BRINP3: variants seen among roughly 807,000 people sequenced by gnomAD.
BRINP3 encodes BMP/retinoic acid inducible neural specific 3, also known as BMP/retinoic acid-inducible neural-specific protein 3.
In BRINP3, 19 loss-of-function variants were observed where a neutral mutation model predicts 71.0. That is an observed-to-expected ratio of 0.27 (90% CI 0.19 to 0.39). BRINP3 has a LOEUF of 0.39. BRINP3 is among the 10% of genes least tolerant of loss of function. The probability of loss-of-function intolerance (pLI) is 1.00; values close to 1 mark genes in which losing one functional copy is unlikely to be tolerated. For missense variants in BRINP3, 959 were observed against 940.8 expected, an observed-to-expected ratio of 1.02 and a Z score of -0.25; for synonymous variants, 380 against 337.7, an observed-to-expected ratio of 1.13 and a Z score of -1.37.
chr1:190,448,294 T>A (rs1675362648), intron 2 of BRINP3, among the ~76,000 whole-genome samples: 1 of 151,740 alleles, frequency 6.6e-6, no homozygotes, highest in Admixed American at 6.6e-5. Context: ...ATTTATTATG[T>A]TAAAATTTTT....
intron 2 of BRINP3, among the ~76,000 whole-genome samples, chr1:190,326,741 C>T (rs1666601612): frequency 6.6e-6 from 1 of 152,010 alleles, no homozygotes; most frequent in African/African-American, 2.4e-5. Context: ...ATTTTCCAGA[C>T]AAACAAGCAC....
chr1:190,299,616 A>G (rs1664523236), intron 2 of BRINP3, among the ~76,000 whole-genome samples: 2 of 118,468 alleles, frequency 1.7e-5, no homozygotes, highest in Non-Finnish European at 3.2e-5. Context: ...CCAGAGTGTG[A>G]TGTTCCCCTT....
chr1:190,253,152 C>T (rs1660305392), intron 4 of BRINP3, among the ~76,000 whole-genome samples: 1 of 152,150 alleles, frequency 6.6e-6, no homozygotes, highest in African/African-American at 2.4e-5. Flanking sequence ...GTATATGTGC[C>T]ACATTTTCTT....
At chr1:190,293,933 G>C (rs767373169) in intron 2 of BRINP3, among the ~76,000 whole-genome samples, 1 of 151,850 alleles carries the variant, frequency 6.6e-6, no homozygotes, top group Non-Finnish European at 1.5e-5. Context: ...TGGATTGTTT[G>C]TAGGCACCAT....
chr1:190,192,175 T>C (rs975222835), intron 6 of BRINP3, among the ~76,000 whole-genome samples: 9 of 152,162 alleles, frequency 5.9e-5, no homozygotes, highest in South Asian at 2.1e-4. Context: ...ACAAAGTAGA[T>C]AGCAAATAAG....
At chr1:190,435,298 A>C (rs1266976922) in intron 2 of BRINP3, among the ~76,000 whole-genome samples, 3 of 152,066 alleles carry the variant, frequency 2.0e-5, no homozygotes, top group Admixed American at 2.0e-4. Flanking sequence ...AGATACTTCA[A>C]ACTTTTGACA....
intron 3 of BRINP3, among the ~76,000 whole-genome samples, chr1:190,276,576 C>G (rs1289472188): frequency 6.6e-6 from 1 of 150,502 alleles, no homozygotes; most frequent in Non-Finnish European, 1.5e-5. Flanking sequence ...CACACACACA[C>G]AATATTTTGT....
At chr1:190,465,548 C>A (rs1400400415) in intron 1 of BRINP3, among the ~76,000 whole-genome samples, 2 of 151,960 alleles carry the variant, frequency 1.3e-5, no homozygotes, top group Non-Finnish European at 2.9e-5. Flanking sequence ...AAGGTGATAT[C>A]TGACCACCCT....
rs184164955 is a variant in BRINP3, at chr1:190,452,585, A to C, written c.236+2070T>G. ...TAAAAACATGTCAAGCTGGCCGCGC[A>C]CGGTGGCTCACGCCTGTAATCCCAG... On this transcript the variant is annotated intron_variant, in intron 2 of 7. Coordinates refer to ENST00000367462, the MANE Select transcript of BRINP3 (RefSeq NM_199051.3). 3.4e-3 allele frequency among the ~76,000 whole-genome samples: 523 copies of C among 152,236 alleles called. 3 individuals are homozygous for C. Among genetic ancestry groups the C allele is most frequent in the African/African-American group, 0.012 (485 of 41,542 alleles).
intron 7 of BRINP3, among the ~76,000 whole-genome samples, chr1:190,133,985 C>A (rs1654761218): frequency 6.6e-6 from 1 of 152,108 alleles, no homozygotes; most frequent in Non-Finnish European, 1.5e-5. Context: ...CCCAAAACCA[C>A]TTACTACATT....
chr1:190,436,583 G>A (rs566867374), intron 2 of BRINP3, among the ~76,000 whole-genome samples: 7 of 151,508 alleles, frequency 4.6e-5, no homozygotes, highest in Admixed American at 6.6e-5. Context: ...GTCATATAAC[G>A]GTGCATTATG....
intron 4 of BRINP3, among the ~76,000 whole-genome samples, chr1:190,246,435 G>T (rs960052162): frequency 2.0e-5 from 3 of 151,756 alleles, no homozygotes; most frequent in African/African-American, 7.3e-5. Context: ...TGAATTTTGG[G>T]TCTCTAGAAG....
intron 2 of BRINP3, among the ~76,000 whole-genome samples, chr1:190,442,649 CTTACGTGTGTGTGTGTGA>C (rs1485174409): frequency 6.6e-6 from 1 of 151,888 alleles, no homozygotes; most frequent in Non-Finnish European, 1.5e-5. Context: ...AAGTAAGGTA[CTTACGTGTGTGTGTGTGA>C]TTACGTGTGT....
intron 6 of BRINP3, 66 bp from the exon 7 acceptor site, chr1:190,160,956 T>TA (rs1657303777): frequency 1.8e-6 from 2 of 1,104,208 alleles, no homozygotes; most frequent in African/African-American, 3.1e-5. Flanking sequence ...CACAAACACG[T>TA]ATGTCAATAT....
At chr1:190,351,935 C>T (rs2102052717) in intron 2 of BRINP3, among the ~76,000 whole-genome samples, 1 of 151,938 alleles carries the variant, frequency 6.6e-6, no homozygotes, top group East Asian at 1.9e-4. Flanking sequence ...TTTGAATATG[C>T]TTTGAATAAG....
chr1:190,218,950 T>C (rs1656641458), intron 6 of BRINP3, among the ~76,000 whole-genome samples: 2 of 152,158 alleles, frequency 1.3e-5, no homozygotes, highest in African/African-American at 4.8e-5. Context: ...TTCTCTTGTC[T>C]GGAACATGTT....
At chr1:190,210,193 T>C (rs73056751) in intron 6 of BRINP3, among the ~76,000 whole-genome samples, 2,164 of 152,208 alleles carry the variant, frequency 0.014, 55 homozygotes, top group African/African-American at 0.049. Context: ...ATCAAAATTA[T>C]CCAAATAGTA....
chr1:190,178,661 T>C (rs962436872), intron 6 of BRINP3, among the ~76,000 whole-genome samples: 47 of 152,142 alleles, frequency 3.1e-4, no homozygotes, highest in African/African-American at 9.7e-4. Context: ...AGCAGAGTGA[T>C]AGAAATTGAA....
chr1:190,441,737 C>T (rs1184630987), intron 2 of BRINP3, among the ~76,000 whole-genome samples: 2 of 152,054 alleles, frequency 1.3e-5, no homozygotes, highest in African/African-American at 4.8e-5. Flanking sequence ...GATATGGACA[C>T]ATGCAATGCT....
Sources: allele counts gnomAD v4.1 joint callset (sites outside exome capture counted in the v4.1 genomes callset), GRCh38; gene constraint gnomAD v4.1.1; transcripts MANE v1.5; gene names NCBI Gene and HGNC (gene_info 2026-07-23, HGNC 2026-07-21).